PRR16: variants seen among roughly 807,000 people sequenced by gnomAD.
The protein encoded by PRR16 is proline rich 16.
PRR16 carries 6 observed loss-of-function variants against 18.2 expected under a neutral mutation model. That is an observed-to-expected ratio of 0.33 (90% CI 0.18 to 0.65). The LOEUF is 0.65. Among genes scored for constraint, PRR16 ranks in the 30% least tolerant of loss-of-function variants. PRR16 has a pLI of 0.74. For missense variants in PRR16, 412 were observed against 376.6 expected (o/e 1.09, Z -0.78); for synonymous variants, 151 against 147.8 (o/e 1.02, Z -0.16).
At chr5:120,587,417 C>A (rs1056025789) in intron 1 of PRR16, among the ~76,000 whole-genome samples, 51 of 152,164 alleles carry the variant, frequency 3.4e-4, no homozygotes, top group Non-Finnish European at 5.9e-5. Flanking sequence ...TGCCTGGATT[C>A]AGAGTTTCAA....
intron 1 of PRR16, among the ~76,000 whole-genome samples, chr5:120,499,195 T>C (rs10062669): frequency 0.076 from 11,576 of 151,726 alleles, 1,044 homozygotes; most frequent in African/African-American, 0.22. Context: ...CCACACCCTC[T>C]GCCTACCGGG....
At chr5:120,469,535 C>A (rs1214140177) in intron 1 of PRR16, among the ~76,000 whole-genome samples, 1 of 151,608 alleles carries the variant, frequency 6.6e-6, no homozygotes, top group African/African-American at 2.4e-5. Flanking sequence ...TTGCCATATT[C>A]CCCAGGCTGA....
At chr5:120,520,770 G>A (rs766353313) in intron 1 of PRR16, among the ~76,000 whole-genome samples, 21 of 152,136 alleles carry the variant, frequency 1.4e-4, no homozygotes, top group Non-Finnish European at 3.1e-4. Flanking sequence ...TAAAATGGTA[G>A]TATTTTGTTT....
In PRR16 at chr5:120,651,046, T is replaced by A. The variant is rs182807345; in HGVS notation, c.160-34908T>A. 2.3e-3 allele frequency among the ~76,000 whole-genome samples: 350 copies of A among 152,330 alleles called. 1 individual carries two copies. Among genetic ancestry groups the A allele is most frequent in the African/African-American group, 7.8e-3 (326 of 41,592 alleles). Reference sequence around the variant, plus strand: ...TAAATGTTGTGAGATGGTATCTCATTGTGGTTTTCATTTGCATTTCTCTGA... The same window carrying A: ...TAAATGTTGTGAGATGGTATCTCATAGTGGTTTTCATTTGCATTTCTCTGA... On this transcript the variant is annotated intron_variant, in intron 1 of 1. Coordinates refer to ENST00000407149, the MANE Select transcript of PRR16 (RefSeq NM_001300783.2).
intron 1 of PRR16, among the ~76,000 whole-genome samples, chr5:120,549,262 A>T (rs1192303042): frequency 6.6e-6 from 1 of 151,772 alleles, no homozygotes; most frequent in Non-Finnish European, 1.5e-5. Flanking sequence ...CACCCAGCTA[A>T]TTTTTTTGTT....
the PRR16 span, among the ~76,000 whole-genome samples, chr5:120,777,094 A>G: frequency 6.6e-6 from 1 of 152,052 alleles, no homozygotes; most frequent in African/African-American, 2.4e-5. Flanking sequence ...GTTCTCATAG[A>G]GAACCTCTAT....
At chr5:120,696,916 A>G in the PRR16 span, among the ~76,000 whole-genome samples, 2 of 151,862 alleles carry the variant, frequency 1.3e-5, no homozygotes, top group East Asian at 3.8e-4. Flanking sequence ...TTATCTGTTT[A>G]AATAGTTTAT....
chr5:120,514,793 A>G (rs541073597), intron 1 of PRR16, among the ~76,000 whole-genome samples: 2 of 152,130 alleles, frequency 1.3e-5, no homozygotes, highest in Non-Finnish European at 2.9e-5. Flanking sequence ...AAAGCTCCAG[A>G]TATTTTCTCC....
chr5:120,497,384 A>ATGT (rs1750285834), intron 1 of PRR16, among the ~76,000 whole-genome samples: 4 of 84,178 alleles, frequency 4.8e-5, no homozygotes, highest in African/African-American at 5.5e-5. Flanking sequence ...TGATGAACTG[A>ATGT]TTTTTTTTTT....
At chr5:120,721,836 T>G in the PRR16 span, among the ~76,000 whole-genome samples, 10 of 152,106 alleles carry the variant, frequency 6.6e-5, no homozygotes, top group African/African-American at 1.9e-4. Context: ...TTGCACCAGA[T>G]AGCCCCATTG....
intron 1 of PRR16, among the ~76,000 whole-genome samples, chr5:120,566,320 A>G (rs1420496797): frequency 6.6e-6 from 1 of 152,134 alleles, no homozygotes; most frequent in African/African-American, 2.4e-5. Context: ...TCTTTCCTTT[A>G]TGAAGAACCC....
Position 120,464,898 on chromosome 5 carries a change from G to T in PRR16, c.159+253G>T, listed in dbSNP as rs559914971. ...ACCTGGGCTGGTGGGAGGGATGAAC[G>T]CACGCGTGTCTCTGAATCTGTGTGT... On this transcript the variant is annotated intron_variant, in intron 1 of 1. Transcript: ENST00000407149. Among the ~76,000 whole-genome samples, 89 of 152,146 alleles carry T rather than the reference G, an allele frequency of 5.8e-4. 1 individual carries two copies. In the South Asian group the frequency reaches 0.011, roughly 20 times the overall value.
chr5:120,604,389 T>C (rs1364639892), intron 1 of PRR16, among the ~76,000 whole-genome samples: 1 of 152,162 alleles, frequency 6.6e-6, no homozygotes, highest in Non-Finnish European at 1.5e-5. Flanking sequence ...CTTTTTGTTT[T>C]CCATTTGCTT....
intron 1 of PRR16, chr5:120,618,652 A>T: frequency 2.9e-6 from 2 of 694,250 alleles, no homozygotes; most frequent in Non-Finnish European, 3.5e-6. Flanking sequence ...TTATCTCAGG[A>T]TAAAGAGGAA....
chr5:120,528,585 G>C (rs56946198), intron 1 of PRR16, among the ~76,000 whole-genome samples: 1 of 152,074 alleles, frequency 6.6e-6, no homozygotes, highest in Non-Finnish European at 1.5e-5. Context: ...AGGCATCCAA[G>C]TTTCCAGATG....
chr5:120,489,944 G>A (rs1030416839), intron 1 of PRR16, among the ~76,000 whole-genome samples: 1 of 152,170 alleles, frequency 6.6e-6, no homozygotes, highest in Non-Finnish European at 1.5e-5. Flanking sequence ...ATTCTGGGTT[G>A]AAAATTCTTT....
At chr5:120,711,277 A>G in the PRR16 span, among the ~76,000 whole-genome samples, 1 of 152,280 alleles carries the variant, frequency 6.6e-6, no homozygotes, top group East Asian at 1.9e-4. Context: ...CATTGTGCCT[A>G]ACACAACTAC....
At chr5:120,464,924 G>T (rs1354347309) in intron 1 of PRR16, among the ~76,000 whole-genome samples, 1 of 152,108 alleles carries the variant, frequency 6.6e-6, no homozygotes, top group Non-Finnish European at 1.5e-5. Context: ...ATCTGTGTGT[G>T]TGACGACGGG....
chr5:120,715,167 C>T, the PRR16 span, among the ~76,000 whole-genome samples: 6 of 151,768 alleles, frequency 4.0e-5, no homozygotes, highest in South Asian at 1.2e-3. Flanking sequence ...GTTATCATCT[C>T]CTCTGTTAGG....
Sources: allele counts gnomAD v4.1 joint callset (sites outside exome capture counted in the v4.1 genomes callset), GRCh38; gene constraint gnomAD v4.1.1; transcripts MANE v1.5; gene names NCBI Gene and HGNC (gene_info 2026-07-23, HGNC 2026-07-21).